Variants in FUT8 observed in about 807,000 individuals in gnomAD.
FUT8 encodes alpha-(1,6)-fucosyltransferase.
Under a neutral mutation model 71.3 loss-of-function variants are expected in FUT8, and 29 were observed. That is an observed-to-expected ratio of 0.41 (90% CI 0.30 to 0.55). The LOEUF (loss-of-function observed/expected upper bound fraction) is 0.55, where lower values mean the gene tolerates loss of function less well. FUT8 is among the 20% of genes least tolerant of loss of function. The pLI, the probability that FUT8 is intolerant of heterozygous loss-of-function variation, is 0.34. For synonymous variants in FUT8, 254 were observed against 239.3 expected, an observed-to-expected ratio of 1.06 and a Z score of -0.57; for missense variants, 544 against 702.1, an observed-to-expected ratio of 0.77 and a Z score of 2.55.
intron 6 of FUT8, among the ~76,000 whole-genome samples, chr14:65,633,081 CTG>C (rs1890292906): frequency 6.7e-6 from 1 of 150,206 alleles, no homozygotes; most frequent in African/African-American, 2.4e-5. Context: ...CGAAGCTGGA[CTG>C]TACTGCTGCC....
In FUT8 at chr14:65,425,766, A is replaced by G. The variant is rs1167551478; in HGVS notation, c.-326+12552A>G. On this transcript the variant is annotated intron_variant, in intron 1 of 10. Coordinates refer to ENST00000673929, the MANE Select transcript of FUT8 (RefSeq NM_001371533.1). ...GTTGAGGCAGGCGGATCATGAGGTC[A>G]GGAGTTTGAGACCAGCCTGGCCAAC... Among the ~76,000 whole-genome samples, 3 of 152,072 alleles carry G rather than the reference A, an allele frequency of 2.0e-5. No homozygotes were observed. The East Asian group carries it at 5.8e-4, about 30-fold the overall frequency.
chr14:65,728,671 T>A (rs1456247326), intron 9 of FUT8, among the ~76,000 whole-genome samples: 1 of 110,744 alleles, frequency 9.0e-6, no homozygotes, highest in Non-Finnish European at 2.0e-5. Flanking sequence ...TTACTGTACC[T>A]TTTCTATGTT....
intron 6 of FUT8, among the ~76,000 whole-genome samples, chr14:65,642,637 ACATGTGTGT>A (rs1041729081): frequency 6.6e-6 from 1 of 151,144 alleles, no homozygotes; most frequent in Non-Finnish European, 1.5e-5. Context: ...AATTGACCAT[ACATGTGTGT>A]CATGTGTGTC....
chr14:65,437,910 A>G (rs1566746762), intron 1 of FUT8, among the ~76,000 whole-genome samples: 1 of 152,106 alleles, frequency 6.6e-6, no homozygotes, highest in Non-Finnish European at 1.5e-5. Context: ...CTTTATAGTG[A>G]TAGTGATTTT....
At chr14:65,634,202 C>G (rs940711268) in intron 6 of FUT8, among the ~76,000 whole-genome samples, 11 of 151,988 alleles carry the variant, frequency 7.2e-5, no homozygotes, top group Non-Finnish European at 1.6e-4. Context: ...GGAGACTTTT[C>G]ATTTTGTTCT....
intron 2 of FUT8, among the ~76,000 whole-genome samples, chr14:65,527,238 G>A (rs1192550590): frequency 6.6e-6 from 1 of 152,100 alleles, no homozygotes; most frequent in East Asian, 1.9e-4. Context: ...ATAGTCCCAT[G>A]TTTCTTGGAG....
chr14:65,437,057 G>T (rs978527136), intron 1 of FUT8, among the ~76,000 whole-genome samples: 1 of 152,166 alleles, frequency 6.6e-6, no homozygotes, highest in Non-Finnish European at 1.5e-5. Flanking sequence ...ATCTTGTCTA[G>T]CTTCTTTGAG....
chr14:65,738,144 G>T lies in FUT8; in HGVS notation c.1411-3949G>T, dbSNP rs1396858781. On this transcript the variant is annotated intron_variant, in intron 10 of 10. Transcript: ENST00000673929. The stretch of plus-strand genomic sequence containing the variant: ...ACAATGCTGAGTGCTGTACAGTGCA[G>T]CTGTTACTGCATTAATCCTTCTGGT... 2.2e-4 allele frequency among the ~76,000 whole-genome samples: 33 copies of T among 152,126 alleles called. 1 individual carries two copies. Among genetic ancestry groups the T allele is most frequent in the Admixed American group, 2.2e-3 (33 of 15,272 alleles).
In FUT8 at chr14:65,413,609, C is replaced by G. The variant is rs572031333; in HGVS notation, c.-326+395C>G. Among the ~76,000 whole-genome samples the G allele has an allele frequency of 2.0e-5, 3 of 152,134 alleles. No homozygotes were observed. Among genetic ancestry groups the G allele is most frequent in the Non-Finnish European group, 4.4e-5 (3 of 68,004 alleles). On this transcript the variant is annotated intron_variant, in intron 1 of 10. Transcript: ENST00000673929. This position sits in a 1 kb window ranked among gnomAD's most constrained non-coding sequence, Gnocchi z 4.1. ...ACCTACCTTCCCTTCGTCAGCAGCT[C>G]GGTCCCTGGAGTCGCGGTTTGTGGG...
At chr14:65,521,706 A>AT (rs939093067) in intron 2 of FUT8, among the ~76,000 whole-genome samples, 3 of 152,234 alleles carry the variant, frequency 2.0e-5, no homozygotes, top group Non-Finnish European at 2.9e-5. Context: ...AAAAAAATAC[A>AT]TTTTTTTGGT....
chr14:65,573,458 A>G (rs1886593385), intron 3 of FUT8, among the ~76,000 whole-genome samples: 1 of 152,172 alleles, frequency 6.6e-6, no homozygotes. Flanking sequence ...GATTTTGAAG[A>G]GAAAGTAAAA....
chr14:65,545,998 T>G (rs1884966085), intron 2 of FUT8, among the ~76,000 whole-genome samples: 1 of 151,866 alleles, frequency 6.6e-6, no homozygotes, highest in Admixed American at 6.6e-5. Context: ...AGGACATAAT[T>G]TAGGCATTTA....
intron 6 of FUT8, among the ~76,000 whole-genome samples, chr14:65,640,787 A>G (rs1172559258): frequency 6.6e-6 from 1 of 152,172 alleles, no homozygotes; most frequent in African/African-American, 2.4e-5. Flanking sequence ...GCTATACTCC[A>G]GAGCCTGGAA....
chr14:65,502,968 C>T (rs1269589983), intron 2 of FUT8, among the ~76,000 whole-genome samples: 1 of 152,174 alleles, frequency 6.6e-6, no homozygotes, highest in Non-Finnish European at 1.5e-5. Context: ...CCTTCCCTCC[C>T]TTGAGAACTA....
intron 3 of FUT8, among the ~76,000 whole-genome samples, chr14:65,572,074 C>G (rs1594778891): frequency 6.6e-6 from 1 of 152,102 alleles, no homozygotes; most frequent in Non-Finnish European, 1.5e-5. Flanking sequence ...CAGTGAATGG[C>G]TTATAATCCT....
intron 5 of FUT8, among the ~76,000 whole-genome samples, chr14:65,623,790 G>T (rs1231366001): frequency 6.6e-6 from 1 of 152,096 alleles, no homozygotes; most frequent in East Asian, 1.9e-4. Context: ...ATCCTCAAAT[G>T]GCCAGCACTA....
intron 7 of FUT8, among the ~76,000 whole-genome samples, chr14:65,719,653 A>G (rs1297974972): frequency 6.6e-6 from 1 of 152,222 alleles, no homozygotes; most frequent in Non-Finnish European, 1.5e-5. Context: ...CATTGCAGCC[A>G]TATCTACATT....
At chr14:65,614,021 C>T (rs1017976194) in intron 3 of FUT8, among the ~76,000 whole-genome samples, 1 of 149,168 alleles carries the variant, frequency 6.7e-6, no homozygotes, top group Non-Finnish European at 1.5e-5. Flanking sequence ...GGCCGAGGCA[C>T]GAGAATCATT....
At chr14:65,585,633 T>C (rs1158744262) in intron 3 of FUT8, among the ~76,000 whole-genome samples, 1 of 152,252 alleles carries the variant, frequency 6.6e-6, no homozygotes, top group African/African-American at 2.4e-5. Context: ...ATTACTTGTG[T>C]TTTAAAATAT....
Sources: allele counts gnomAD v4.1 joint callset (sites outside exome capture counted in the v4.1 genomes callset), GRCh38; gene constraint gnomAD v4.1.1; non-coding constraint Gnocchi (gnomAD v3.1); transcripts MANE v1.5; gene names NCBI Gene and HGNC (gene_info 2026-07-23, HGNC 2026-07-21).